Variants in HIVEP2 observed in about 807,000 individuals in gnomAD.
HIVEP2 encodes transcription factor HIVEP2.
A neutral mutation model predicts 180.7 loss-of-function variants in HIVEP2; 14 were observed. The observed-to-expected ratio is 0.08, with a 90% CI of 0.05 to 0.12. HIVEP2 has a LOEUF of 0.12. Among genes scored for constraint, HIVEP2 ranks in the 10% least tolerant of loss-of-function variants. The pLI, the probability that HIVEP2 is intolerant of heterozygous loss-of-function variation, is 1.00. For missense variants in HIVEP2, 2,579 were observed against 3,008.5 expected (o/e 0.86, Z 3.34); for synonymous variants, 1,184 against 1,136.4 (o/e 1.04, Z -0.84).
At chr6:142,918,638 T>C (rs1002433599) in intron 1 of HIVEP2, among the ~76,000 whole-genome samples, 7 of 152,096 alleles carry the variant, frequency 4.6e-5, no homozygotes, top group African/African-American at 1.7e-4. Flanking sequence ...GCTGTAAAAA[T>C]AGAGCACTCC....
chr6:142,879,109 C>A (rs773396760), intron 1 of HIVEP2, among the ~76,000 whole-genome samples: 17 of 152,080 alleles, frequency 1.1e-4, no homozygotes, highest in Admixed American at 6.6e-5. Context: ...ATTACGAAAG[C>A]CGGCAAAAAT....
At chr6:142,840,028 G>A (rs920085747) in intron 1 of HIVEP2, among the ~76,000 whole-genome samples, 3 of 152,110 alleles carry the variant, frequency 2.0e-5, no homozygotes, top group Non-Finnish European at 4.4e-5. Flanking sequence ...ATCAGCTTAG[G>A]ATGGGAAGGA....
At chr6:142,835,122 A>G (rs1192838022) in intron 2 of HIVEP2, among the ~76,000 whole-genome samples, 1 of 152,200 alleles carries the variant, frequency 6.6e-6, no homozygotes, top group Non-Finnish European at 1.5e-5. Context: ...ATTAATCACC[A>G]TCATCATAAC....
intron 2 of HIVEP2, among the ~76,000 whole-genome samples, chr6:142,810,378 A>C (rs2114791548): frequency 6.6e-6 from 1 of 152,354 alleles, no homozygotes; most frequent in Middle Eastern, 3.4e-3. Context: ...GGGGCTATAA[A>C]TTATTTGTCA....
At chr6:142,764,216 T>C in intron 7 of HIVEP2, among the ~76,000 whole-genome samples, 1 of 152,016 alleles carries the variant, frequency 6.6e-6, no homozygotes, top group East Asian at 1.9e-4. Context: ...AAACAGATTT[T>C]AAAAAAAAAT....
chr6:142,764,447 C>T (rs190175441), intron 7 of HIVEP2, among the ~76,000 whole-genome samples: 1 of 152,196 alleles, frequency 6.6e-6, no homozygotes, highest in East Asian at 1.9e-4. Flanking sequence ...TGCTGCCTTG[C>T]TTCTCTAATA....
chr6:142,785,121 C>A (rs111475596), intron 2 of HIVEP2, among the ~76,000 whole-genome samples: 1 of 151,744 alleles, frequency 6.6e-6, no homozygotes, highest in Non-Finnish European at 1.5e-5. Flanking sequence ...GATCTCCTGA[C>A]CTCGTGATCC....
At chr6:142,891,044 G>T (rs1254235187) in intron 1 of HIVEP2, among the ~76,000 whole-genome samples, 1 of 152,036 alleles carries the variant, frequency 6.6e-6, no homozygotes, top group African/African-American at 2.4e-5. Flanking sequence ...GTAAAGATAG[G>T]GTCTGCAGTT....
chr6:142,848,938 T>G (rs779254153), intron 1 of HIVEP2, among the ~76,000 whole-genome samples: 1 of 152,208 alleles, frequency 6.6e-6, no homozygotes, highest in Non-Finnish European at 1.5e-5. Context: ...ATCTAATCAC[T>G]AAGCCTGATT....
chr6:142,813,813 G>A (rs1776761276), intron 2 of HIVEP2, among the ~76,000 whole-genome samples: 1 of 151,800 alleles, frequency 6.6e-6, no homozygotes, highest in African/African-American at 2.4e-5. Context: ...GGATCCTTCT[G>A]CCTCAGCCTC....
rs1202128986 is a variant in HIVEP2, at chr6:142,783,528, C to A, written c.-440G>T. The A allele has an allele frequency of 6.6e-6, 1 of 152,054 alleles. No individual in the cohort carries two copies. The highest frequency in any genetic ancestry group is 6.5e-5 in the Admixed American group (1 of 15,274). 9.4% of individuals were successfully genotyped at this position (152,054 alleles called of 1,614,324 possible). A position where few individuals can be genotyped will look rare whatever the true frequency, so the allele number is the denominator to read the frequency against. On this transcript the variant is annotated 5_prime_UTR_variant, in exon 3 of 10. Coordinates refer to ENST00000367603, the MANE Select transcript of HIVEP2 (RefSeq NM_006734.4). The stretch of plus-strand genomic sequence containing the variant: ...TAAATTTTAGTTATTAACCTGTTAT[C>A]CTCATATCAAAAAACTGCATCACAA...
chr6:142,924,743 G>T (rs1014406915), intron 1 of HIVEP2, among the ~76,000 whole-genome samples: 1 of 152,176 alleles, frequency 6.6e-6, no homozygotes, highest in African/African-American at 2.4e-5. Flanking sequence ...AAGGTACTGG[G>T]TTTGGATTAA....
chr6:142,906,419 G>T (rs1777266255), intron 1 of HIVEP2, among the ~76,000 whole-genome samples: 1 of 151,884 alleles, frequency 6.6e-6, no homozygotes, highest in Non-Finnish European at 1.5e-5. Context: ...AATTAGAAAA[G>T]ATATGCCAAG....
chr6:142,918,688 T>C (rs564962876), intron 1 of HIVEP2, among the ~76,000 whole-genome samples: 1 of 152,362 alleles, frequency 6.6e-6, no homozygotes, highest in South Asian at 2.1e-4. Context: ...CATAATGTTC[T>C]TTCACTTTTA....
chr6:142,863,842 G>A (rs1228514004), intron 1 of HIVEP2, among the ~76,000 whole-genome samples: 1 of 152,136 alleles, frequency 6.6e-6, no homozygotes, highest in African/African-American at 2.4e-5. Context: ...ACATTCCAGT[G>A]AGCACTGATT....
At chr6:142,898,668 G>GAATTAA (rs531397823) in intron 1 of HIVEP2, among the ~76,000 whole-genome samples, 51 of 151,974 alleles carry the variant, frequency 3.4e-4, no homozygotes, top group African/African-American at 1.1e-3. Context: ...ATAAATAAAT[G>GAATTAA]AATTAAAATT....
intron 1 of HIVEP2, among the ~76,000 whole-genome samples, chr6:142,844,012 C>G (rs1193352459): frequency 6.6e-6 from 1 of 152,038 alleles, no homozygotes; most frequent in Non-Finnish European, 1.5e-5. Flanking sequence ...ATTTTTTTCT[C>G]CTGTAACATA....
At chr6:142,777,936 A>T (rs1775746860) in intron 3 of HIVEP2, among the ~76,000 whole-genome samples, 1 of 152,140 alleles carries the variant, frequency 6.6e-6, no homozygotes, top group African/African-American at 2.4e-5. Context: ...GACTGTGATG[A>T]TGATGATGAC....
At chr6:142,796,924 G>A (rs186354932) in intron 2 of HIVEP2, among the ~76,000 whole-genome samples, 1 of 152,108 alleles carries the variant, frequency 6.6e-6, no homozygotes, top group African/African-American at 2.4e-5. Flanking sequence ...GAATTATTAC[G>A]GTAGTACAGC....
Sources: allele counts gnomAD v4.1 joint callset (sites outside exome capture counted in the v4.1 genomes callset), GRCh38; gene constraint gnomAD v4.1.1; transcripts MANE v1.5; gene names NCBI Gene and HGNC (gene_info 2026-07-23, HGNC 2026-07-21).